Variants in GDF1 observed in about 807,000 individuals in gnomAD.
GDF1 encodes the protein embryonic growth/differentiation factor 1.
GDF1 carries 8 observed loss-of-function variants against 7.4 expected under a neutral mutation model. That is an observed-to-expected ratio of 1.09 (90% CI 0.64 to 1.96). GDF1 has a LOEUF of 1.96. Ranked by LOEUF, GDF1 falls within the 30% of genes most tolerant of loss-of-function variation. GDF1 has a pLI of 0.00. For synonymous variants in GDF1, 311 were observed against 276.7 expected, an observed-to-expected ratio of 1.12 and a Z score of -1.23; for missense variants, 574 against 551.5, an observed-to-expected ratio of 1.04 and a Z score of -0.41.
At chr19:18,880,214 G>T in intron 4 of GDF1, 60 bp downstream of exon 4, 2 of 1,455,490 alleles carry the variant, frequency 1.4e-6, no homozygotes, top group South Asian at 1.4e-5. Context: ...CCCCTTTTCT[G>T]GACACACCCA....
intron 6 of GDF1, among the ~76,000 whole-genome samples, chr19:18,874,095 G>T (rs1026141389): frequency 3.9e-5 from 6 of 152,066 alleles, no homozygotes; most frequent in Admixed American, 3.3e-4. Flanking sequence ...AGGCAAGCTG[G>T]GTGAACATCC....
At position 18,895,417 on chromosome 19, in the gene GDF1, G is replaced by C. The variant is rs996030251; in HGVS notation, c.-1074+407C>G. Among the ~76,000 whole-genome samples the C allele has an allele frequency of 6.6e-6, 1 of 152,106 alleles. No individual in the cohort carries two copies. Among genetic ancestry groups the C allele is most frequent in the Non-Finnish European group, 1.5e-5 (1 of 68,006 alleles). On this transcript the variant is annotated intron_variant, in intron 1 of 7. Transcript: ENST00000247005. This position sits in a 1 kb window ranked among gnomAD's most constrained non-coding sequence, Gnocchi z 6.4. ...TCCTGGGCTTCTCAGTGTCTGGCTC[G>C]GCCCTGCCGGAAAGAGCGCGCGGTG...
rs768914326 is a variant in GDF1, at chr19:18,884,281, A to C, written c.-913-14T>G. On this transcript the variant is annotated splice_polypyrimidine_tract_variant and intron_variant, in intron 2 of 7. Coordinates refer to ENST00000247005, the MANE Select transcript of GDF1 (RefSeq NM_001492.6). ...CCGGCGTCCAGTCTGGGGAGAGCCA[A>C]ATCTCACAGTCAGGGCCCTGCGAAG... 2 of 1,605,506 alleles carry C rather than the reference A, an allele frequency of 1.2e-6. No individual in the cohort carries two copies. The highest frequency in any genetic ancestry group is 3.4e-5 in the Admixed American group (2 of 59,228).
intron 4 of GDF1, 106 bp downstream of exon 4, chr19:18,880,168 C>T: frequency 1.7e-6 from 2 of 1,207,236 alleles, no homozygotes; most frequent in Non-Finnish European, 2.3e-6. Flanking sequence ...ACACACCCAC[C>T]TCACCGGGCC....
intron 6 of GDF1, among the ~76,000 whole-genome samples, chr19:18,874,535 C>G (rs911492505): frequency 3.3e-5 from 5 of 152,198 alleles, no homozygotes; most frequent in Non-Finnish European, 7.3e-5. Context: ...ATTTACGGAG[C>G]ATTGAGTGCA....
At chr19:18,872,538 G>A (rs1174076488) in intron 6 of GDF1, among the ~76,000 whole-genome samples, 2 of 145,960 alleles carry the variant, frequency 1.4e-5, no homozygotes, top group Non-Finnish European at 3.0e-5. Context: ...TTTTTGAGAC[G>A]AAGTCTCGCT....
chr19:18,871,223 AT>A (rs572877061), intron 6 of GDF1, among the ~76,000 whole-genome samples: 5,177 of 119,630 alleles, frequency 0.043, 198 homozygotes, highest in African/African-American at 0.11. Context: ...ACTCCCAGCA[AT>A]TTTTTTTTTT....
chr19:18,891,568 T>A (rs760393535), intron 2 of GDF1, among the ~76,000 whole-genome samples: 2 of 151,788 alleles, frequency 1.3e-5, no homozygotes, highest in Non-Finnish European at 1.5e-5. Flanking sequence ...CCACTTCTTA[T>A]CATCTTCCCC....
In GDF1 at chr19:18,884,248, T is replaced by G. The variant is rs200107216; in HGVS notation, c.-894A>C. ...AGGCGGCTGCAATGTCCCGTGGCAC[T>G]GCCATGCCCGGCGTCCAGTCTGGGG... On this transcript the variant is annotated 5_prime_UTR_variant, in exon 3 of 8. Transcript: ENST00000247005. 3.5e-5 allele frequency: 57 copies of G among 1,612,794 alleles called. No homozygotes were observed. Among genetic ancestry groups the G allele is most frequent in the Non-Finnish European group, 4.2e-5 (50 of 1,179,670 alleles).
chr19:18,870,460 A>T lies in GDF1; in HGVS notation c.-153T>A. 3.5e-5 allele frequency: 12 copies of T among 342,180 alleles called. No homozygotes were observed. Among genetic ancestry groups the T allele is most frequent in the Non-Finnish European group, 5.7e-5 (12 of 208,982 alleles). 21.2% of individuals were successfully genotyped at this position (342,180 alleles called of 1,614,324 possible). The stretch of plus-strand genomic sequence containing the variant: ...GGATGAGGGGGCGGGGTCCCAGGGG[A>T]GGTGGCGGCGGCCCTAGAGGAGCAG... On this transcript the variant is annotated 5_prime_UTR_variant, in exon 7 of 8. Transcript: ENST00000247005. The surrounding 1 kb of genome is among the most constrained non-coding windows in gnomAD (Gnocchi z 5.1).
rs898707730 is a variant in GDF1, at chr19:18,895,619, G to A, written c.-1074+205C>T. Among the ~76,000 whole-genome samples the A allele has an allele frequency of 4.0e-5, 6 of 151,604 alleles. No individual in the cohort carries two copies. Among genetic ancestry groups the A allele is most frequent in the Non-Finnish European group, 8.8e-5 (6 of 67,862 alleles). ...TTCCCCCACGCAGCACTGTCTGAAG[G>A]GGGCGCGCGGCGGCCCGAGAGACCT... On this transcript the variant is annotated intron_variant, in intron 1 of 7. Transcript: ENST00000247005. The surrounding 1 kb of genome is among the most constrained non-coding windows in gnomAD (Gnocchi z 6.4).
At chr19:18,889,022 A>G (rs915628256) in intron 2 of GDF1, among the ~76,000 whole-genome samples, 2 of 151,116 alleles carry the variant, frequency 1.3e-5, no homozygotes, top group Admixed American at 1.3e-4. Context: ...CTGCCGAGTA[A>G]CTGGGATTAC....
chr19:18,875,945 G>A (rs750343788), intron 6 of GDF1, among the ~76,000 whole-genome samples: 1 of 152,218 alleles, frequency 6.6e-6, no homozygotes, highest in Non-Finnish European at 1.5e-5. Flanking sequence ...CCTTGATTTT[G>A]AACATCTGTC....
At chr19:18,876,536 T>TGTGTGTGTGTGTGTG (rs1555703706) in intron 6 of GDF1, among the ~76,000 whole-genome samples, 16 of 143,276 alleles carry the variant, frequency 1.1e-4, no homozygotes, top group African/African-American at 4.1e-4. Context: ...TTTGATTGGG[T>TGTGTGTGTGTGTGTG]TGTGTGTGTG....
At position 18,875,521 on chromosome 19, in the gene GDF1, C is replaced by T. The variant is rs548099986; in HGVS notation, c.-313+3409G>A. On this transcript the variant is annotated intron_variant, in intron 6 of 7. Coordinates refer to ENST00000247005, the MANE Select transcript of GDF1 (RefSeq NM_001492.6). ...TCACACCACTGCACTCCAGCCTGGG[C>T]GACAGAGCGAGACACTGTCTCAAAA... Among the ~76,000 whole-genome samples, 8 of 148,256 alleles carry T rather than the reference C, an allele frequency of 5.4e-5. No homozygotes were observed. The South Asian group carries it at 6.4e-4, about 12-fold the overall frequency.
intron 2 of GDF1, among the ~76,000 whole-genome samples, chr19:18,884,632 C>T (rs2056304706): frequency 6.6e-6 from 1 of 151,316 alleles, no homozygotes; most frequent in South Asian, 2.1e-4. Context: ...TGGTCTCGAT[C>T]TCCTGACCTC....
intron 7 of GDF1, 122 bp from the exon 8 acceptor site, chr19:18,869,512 TGTGAAGCGGCGGG>T: frequency 8.4e-7 from 1 of 1,188,494 alleles, no homozygotes; most frequent in Non-Finnish European, 1.1e-6. Context: ...GTGGGAAGGG[TGTGAAGCGGCGGG>T]GTGGGCTGAT....
intron 6 of GDF1, among the ~76,000 whole-genome samples, chr19:18,872,316 G>C (rs762343087): frequency 3.9e-5 from 6 of 152,258 alleles, no homozygotes; most frequent in Non-Finnish European, 8.8e-5. Flanking sequence ...ACCCACCTTG[G>C]GGGAGATAGC....
Position 18,880,239 on chromosome 19 carries a change from A to G in GDF1, c.-571+35T>C, listed in dbSNP as rs966845888. 6 of 1,515,026 alleles carry G rather than the reference A, an allele frequency of 4.0e-6. No individual in the cohort carries two copies. The African/African-American group carries it at 8.3e-5, about 21-fold the overall frequency. 93.8% of individuals were successfully genotyped at this position (1,515,026 alleles called of 1,614,324 possible). A position where few individuals can be genotyped will look rare whatever the true frequency, so the allele number is the denominator to read the frequency against. ...GGACACACCCACCTCACCAGGCCAC[A>G]CCTCCCTCCCTGCCCAGCACTCCCT... On this transcript the variant is annotated intron_variant, in intron 4 of 7. Coordinates refer to ENST00000247005, the MANE Select transcript of GDF1 (RefSeq NM_001492.6).
Sources: gnomAD v4.1 joint callset for allele counts (sites outside exome capture counted in the v4.1 genomes callset) on GRCh38, gnomAD v4.1.1 for gene constraint, Gnocchi (gnomAD v3.1) non-coding constraint, MANE v1.5 for transcripts, NCBI Gene and HGNC (gene_info 2026-07-23, HGNC 2026-07-21) for gene names.